The following SMYD3 variants were observed in gnomAD, a reference collection of about 807,000 sequenced individuals.
SMYD3 encodes SET and MYND domain containing 3, also known as histone-lysine N-methyltransferase SMYD3.
In SMYD3, 36 loss-of-function variants were observed where a neutral mutation model predicts 57.7. The ratio of observed to expected loss-of-function variants is 0.62; its 90% CI spans 0.48 to 0.82. The LOEUF is 0.82. SMYD3 is among the 40% of genes least tolerant of loss of function. The probability of loss-of-function intolerance (pLI) is 0.00; values close to 1 mark genes in which losing one functional copy is unlikely to be tolerated. For missense variants in SMYD3, 515 were observed against 538.8 expected, an observed-to-expected ratio of 0.96 and a Z score of 0.44; for synonymous variants, 211 against 195.0, an observed-to-expected ratio of 1.08 and a Z score of -0.68.
intron 9 of SMYD3, among the ~76,000 whole-genome samples, chr1:245,860,526 C>T (rs1237752567): frequency 2.0e-5 from 3 of 152,194 alleles, no homozygotes. Context: ...AAGATGAGTT[C>T]CTTGATGAGA....
At chr1:246,001,538 C>A (rs1238469731) in intron 5 of SMYD3, among the ~76,000 whole-genome samples, 3 of 44,604 alleles carry the variant, frequency 6.7e-5, no homozygotes, top group African/African-American at 1.1e-4. Context: ...GCCACCCTTG[C>A]CAAAATCTAA....
At chr1:246,178,788 C>T (rs1330417416) in intron 5 of SMYD3, 2 of 151,966 alleles carry the variant, frequency 1.3e-5, no homozygotes, top group African/African-American at 2.4e-5. Flanking sequence ...ATGTTCTACG[C>T]TAGCCAGAAG....
intron 5 of SMYD3, among the ~76,000 whole-genome samples, chr1:246,078,961 G>C (rs987906433): frequency 6.6e-6 from 1 of 151,858 alleles, no homozygotes; most frequent in African/African-American, 2.4e-5. Context: ...TTATAGTTTA[G>C]CAGAAGATAG....
At chr1:245,978,728 C>T (rs575106560) in intron 5 of SMYD3, among the ~76,000 whole-genome samples, 15 of 152,294 alleles carry the variant, frequency 9.8e-5, no homozygotes, top group African/African-American at 3.6e-4. Flanking sequence ...AGCTTTGTCT[C>T]TCGTCAGCAA....
At chr1:246,324,451 CATA>C (rs2065306171) in intron 5 of SMYD3, among the ~76,000 whole-genome samples, 1 of 143,348 alleles carries the variant, frequency 7.0e-6, no homozygotes. Context: ...TGGGCTAAAA[CATA>C]AGCTTAGTAT....
intron 10 of SMYD3, among the ~76,000 whole-genome samples, chr1:245,788,610 G>A (rs773570302): frequency 3.3e-5 from 5 of 152,222 alleles, no homozygotes; most frequent in Admixed American, 6.5e-5. Flanking sequence ...CTCAGGCCAT[G>A]CAGCAAGCTC....
intron 5 of SMYD3, among the ~76,000 whole-genome samples, chr1:246,194,253 G>T (rs1404948138): frequency 1.3e-5 from 2 of 151,462 alleles, no homozygotes; most frequent in Non-Finnish European, 1.5e-5. Context: ...ATATACTACA[G>T]TTCTTGTGGG....
chr1:246,026,196 G>GT (rs1330793397), intron 5 of SMYD3: 2 of 152,172 alleles, frequency 1.3e-5, no homozygotes, highest in African/African-American at 4.8e-5. Context: ...CAGAAAAAAA[G>GT]TTTCTCTTTC....
At chr1:246,376,786 T>C (rs1158111558) in intron 1 of SMYD3, among the ~76,000 whole-genome samples, 1 of 151,840 alleles carries the variant, frequency 6.6e-6, no homozygotes, top group Non-Finnish European at 1.5e-5. Flanking sequence ...GTATTACAGA[T>C]TAAAATTAAG....
At chr1:245,893,490 A>G (rs2053525276) in intron 8 of SMYD3, among the ~76,000 whole-genome samples, 1 of 42,734 alleles carries the variant, frequency 2.3e-5, no homozygotes, top group African/African-American at 9.5e-5. Flanking sequence ...ACAAACTATG[A>G]AATAGCCATG....
intron 10 of SMYD3, among the ~76,000 whole-genome samples, chr1:245,816,112 A>G (rs2048788332): frequency 6.6e-6 from 1 of 152,208 alleles, no homozygotes; most frequent in African/African-American, 2.4e-5. Flanking sequence ...GTATTCAATG[A>G]AGCTTCTAGA....
At chr1:246,320,453 T>TG (rs1410294875) in intron 5 of SMYD3, among the ~76,000 whole-genome samples, 1 of 152,222 alleles carries the variant, frequency 6.6e-6, no homozygotes, top group African/African-American at 2.4e-5. Context: ...AAAAATTCTG[T>TG]GGCAGTTGCA....
At chr1:246,225,985 T>C (rs947075273) in intron 5 of SMYD3, among the ~76,000 whole-genome samples, 2 of 152,220 alleles carry the variant, frequency 1.3e-5, no homozygotes, top group African/African-American at 2.4e-5. Flanking sequence ...TTTCCAATAA[T>C]GAAGGCCAAT....
intron 10 of SMYD3, among the ~76,000 whole-genome samples, chr1:245,849,184 T>G (rs1483642794): frequency 6.6e-6 from 1 of 152,166 alleles, no homozygotes; most frequent in Non-Finnish European, 1.5e-5. Context: ...TCCCTCCTGG[T>G]CTGAACTTTT....
intron 5 of SMYD3, among the ~76,000 whole-genome samples, chr1:246,091,133 A>C (rs1184577584): frequency 2.0e-5 from 3 of 152,206 alleles, no homozygotes; most frequent in Non-Finnish European, 4.4e-5. Flanking sequence ...CTGGGATGCC[A>C]GGCGTACTGG....
rs1254017865 is a variant in SMYD3, at chr1:246,232,915, C to G, written c.531+94286G>C. ...CACAGAGGAGAAGCACTCCTCAATT[C>G]ACACTGTGATGAACATATACCACAC... On this transcript the variant is annotated intron_variant, in intron 5 of 11. Coordinates refer to ENST00000490107, the MANE Select transcript of SMYD3 (RefSeq NM_001167740.2). Among the ~76,000 whole-genome samples, 1,045 of 127,526 alleles carry G rather than the reference C, an allele frequency of 8.2e-3. 1 individual carries two copies. Among genetic ancestry groups the G allele is most frequent in the African/African-American group, 0.016 (528 of 32,218 alleles). The allele number at this position is 127,526 out of a possible 152,430, so 83.7% of individuals were successfully genotyped here. A position where few individuals can be genotyped will look rare whatever the true frequency, so the allele number is the denominator to read the frequency against.
At chr1:246,420,071 T>A (rs2067119504) in intron 1 of SMYD3, among the ~76,000 whole-genome samples, 1 of 152,092 alleles carries the variant, frequency 6.6e-6, no homozygotes, top group Non-Finnish European at 1.5e-5. Context: ...TGGTCGCACA[T>A]GCCTGTAGTC....
intron 10 of SMYD3, among the ~76,000 whole-genome samples, chr1:245,787,101 T>G (rs1475628672): frequency 6.6e-6 from 1 of 152,210 alleles, no homozygotes; most frequent in Non-Finnish European, 1.5e-5. Context: ...TTCTTCCACT[T>G]TCATTACTTT....
At chr1:246,228,631 C>T (rs923394571) in intron 5 of SMYD3, among the ~76,000 whole-genome samples, 1 of 152,252 alleles carries the variant, frequency 6.6e-6, no homozygotes, top group South Asian at 2.1e-4. Context: ...TTAATAGATA[C>T]ATTTTATGGT....
Sources: allele counts gnomAD v4.1 joint callset (sites outside exome capture counted in the v4.1 genomes callset), GRCh38; gene constraint gnomAD v4.1.1; transcripts MANE v1.5; gene names NCBI Gene and HGNC (gene_info 2026-07-23, HGNC 2026-07-21).